Variants in CCND1 observed in about 807,000 individuals in gnomAD.
CCND1 encodes cyclin D1.
CCND1 carries 9 observed loss-of-function variants against 26.1 expected under a neutral mutation model. The observed-to-expected ratio is 0.35, with a 90% CI of 0.21 to 0.60. The LOEUF (loss-of-function observed/expected upper bound fraction) is 0.60. CCND1 is among the 20% of genes least tolerant of loss of function. The pLI is 0.79. For synonymous variants in CCND1, 194 were observed against 166.1 expected, an observed-to-expected ratio of 1.17 and a Z score of -1.29; for missense variants, 335 against 392.9, an observed-to-expected ratio of 0.85 and a Z score of 1.25.
At chr11:69,646,606 G>C (rs586459) in intron 3 of CCND1, among the ~76,000 whole-genome samples, 65,302 of 152,030 alleles carry the variant, frequency 0.43, 15,291 homozygotes, top group East Asian at 0.82. Flanking sequence ...CCCTGCCGAC[G>C]TCCGGCTCCC....
chr11:69,644,806 A>C (rs1282281395), intron 3 of CCND1, among the ~76,000 whole-genome samples: 1 of 152,028 alleles, frequency 6.6e-6, no homozygotes, highest in Non-Finnish European at 1.5e-5. Flanking sequence ...AGGCCTGGTT[A>C]CCTTCATGGG....
chr11:69,651,173 G>C lies in CCND1; in HGVS notation c.779G>C (p.Arg260Pro). Residue 260 changes from arginine to proline, a missense_variant, in exon 5 of 5, where the codon CGC becomes CCC. Coordinates refer to ENST00000227507, the MANE Select transcript of CCND1 (RefSeq NM_053056.3). ...GAAGCCCTGCTGGAGTCAAGCCTGC[G>C]CCAGGCCCAGCAGAACATGGACCCC... ...QIEALLESSL[R>P]QAQQNMDPKA... 6.2e-7 allele frequency: 1 copy of C among 1,611,886 alleles called. No individual in the cohort carries two copies. The highest frequency in any genetic ancestry group is 8.5e-7 in the Non-Finnish European group (1 of 1,178,898).
rs1489463103 is a variant in CCND1 at position 69,652,697 on chromosome 11, A to T, written c.*1415A>T. On this transcript the variant is annotated 3_prime_UTR_variant, in exon 5 of 5. Coordinates refer to ENST00000227507, the MANE Select transcript of CCND1 (RefSeq NM_053056.3). ...AAATATATAATTTATAGTTAAGGCT[A>T]AAAAGTATATTTATTGCAGAGGATG... 4.3e-6 allele frequency: 1 copy of T among 233,198 alleles called. No individual in the cohort carries two copies. The highest frequency in any genetic ancestry group is 8.5e-6 in the Non-Finnish European group (1 of 118,110). 14.4% of individuals were successfully genotyped at this position (233,198 alleles called of 1,614,324 possible).
chr11:69,643,745 C>G, intron 2 of CCND1, 87 bp from the exon 3 acceptor site: 2 of 1,311,006 alleles, frequency 1.5e-6, no homozygotes, highest in South Asian at 1.4e-5. Flanking sequence ...GGAGGTGCGG[C>G]GTGGCCCGGC....
At position 69,654,171 on chromosome 11, in the gene CCND1, G is replaced by T. The variant is rs1396899681; in HGVS notation, c.*2889G>T. 5.7e-6 allele frequency: 4 copies of T among 701,628 alleles called. No homozygotes were observed. The highest frequency in any genetic ancestry group is 1.7e-5 in the African/African-American group (1 of 57,194). 43.5% of individuals were successfully genotyped at this position (701,628 alleles called of 1,614,324 possible). ...GCTCACGCTTACCTCAACCATCCTG[G>T]CTGCGGCGTCTGTCTGAACCACGCG... On this transcript the variant is annotated 3_prime_UTR_variant, in exon 5 of 5. Coordinates refer to ENST00000227507, the MANE Select transcript of CCND1 (RefSeq NM_053056.3). The surrounding 1 kb of genome is among the most constrained non-coding windows in gnomAD (Gnocchi z 6.3).
intron 3 of CCND1, among the ~76,000 whole-genome samples, chr11:69,644,964 C>G (rs1465837409): frequency 6.6e-6 from 1 of 152,160 alleles, no homozygotes; most frequent in African/African-American, 2.4e-5. Flanking sequence ...CTCCCCTCCC[C>G]AGAGGGCAGA....
In CCND1 at chr11:69,652,732, C is replaced by T. The variant is rs1322179844; in HGVS notation, c.*1450C>T. ...TTTATTGCAGAGGATGTTCATAAGGCCAGTATGATTTATAAATGCAATCTC... is the reference window on the plus strand; with the variant it reads ...TTTATTGCAGAGGATGTTCATAAGGTCAGTATGATTTATAAATGCAATCTC... On this transcript the variant is annotated 3_prime_UTR_variant, in exon 5 of 5. Transcript: ENST00000227507. The T allele has an allele frequency of 8.6e-6, 2 of 233,020 alleles. No homozygotes were observed. The highest frequency in any genetic ancestry group is 1.7e-5 in the Non-Finnish European group (2 of 118,276). 14.4% of individuals were successfully genotyped at this position (233,020 alleles called of 1,614,324 possible).
chr11:69,650,843 G>A lies in CCND1; in HGVS notation c.724-275G>A, dbSNP rs554219717. The stretch of plus-strand genomic sequence containing the variant: ...CGCTGTTGGACATGGGGACGGGCAG[G>A]GGGTGTGCAGGGTGGGCGGGCAAGC... On this transcript the variant is annotated intron_variant, in intron 4 of 4. Coordinates refer to ENST00000227507, the MANE Select transcript of CCND1 (RefSeq NM_053056.3). 1.6e-4 allele frequency among the ~76,000 whole-genome samples: 25 copies of A among 152,312 alleles called. 1 individual carries two copies. The highest frequency in any genetic ancestry group is 1.2e-3 in the Admixed American group (18 of 15,300).
chr11:69,651,104 C>G lies in CCND1; in HGVS notation c.724-14C>G. On this transcript the variant is annotated splice_polypyrimidine_tract_variant and intron_variant, in intron 4 of 4. Transcript: ENST00000227507. ...ACCCCCTCTTCCCACCTCTCCCCAC[C>G]CTCTCTCTCTCAGGACTGCCTCCGG... 3 of 1,608,738 alleles carry G rather than the reference C, an allele frequency of 1.9e-6. No homozygotes were observed. The highest frequency in any genetic ancestry group is 2.5e-6 in the Non-Finnish European group (3 of 1,177,440).
chr11:69,654,122 C>CCCCCCCCCCCCCCCCCCAAAA lies in CCND1; in HGVS notation c.*2842_*2843insCCCCCCCCCCCCCCCAAAACC. On this transcript the variant is annotated 3_prime_UTR_variant, in exon 5 of 5. Coordinates refer to ENST00000227507, the MANE Select transcript of CCND1 (RefSeq NM_053056.3). The surrounding 1 kb of genome is among the most constrained non-coding windows in gnomAD (Gnocchi z 6.3). ...GAGGCCATCTCGGGCACAGGCCCAC[C>CCCCCCCCCCCCCCCCCCAAAA]CCGCCCCACCCCTCCAGAACACGGC... is the stretch of plus-strand genomic sequence containing the variant. 1 of 660,564 alleles carries CCCCCCCCCCCCCCCCCCAAAA rather than the reference C, an allele frequency of 1.5e-6. No individual in the cohort carries two copies. The highest frequency in any genetic ancestry group is 2.8e-6 in the Non-Finnish European group (1 of 362,132). The allele number at this position is 660,564 out of a possible 1,614,324, so 40.9% of individuals were successfully genotyped here.
At chr11:69,642,985 G>T (rs776353719) in intron 1 of CCND1, 46 bp from the exon 2 acceptor site, 75 of 1,417,310 alleles carry the variant, frequency 5.3e-5, no homozygotes, top group South Asian at 2.1e-4. Context: ...GTGCGGGGGG[G>T]CGGCGCGACC....
rs1443089370 is a variant in CCND1, at chr11:69,647,987, G to C, written c.575-7G>C. On this transcript the variant is annotated splice_polypyrimidine_tract_variant and splice_region_variant and intron_variant, in intron 3 of 4. Transcript: ENST00000227507. ...ACAGCCTCCTTCCCTCTCTCCTTCTGCCTCAGATGTGAAGTTCATTTCCAA... is the reference window on the plus strand; with the variant it reads ...ACAGCCTCCTTCCCTCTCTCCTTCTCCCTCAGATGTGAAGTTCATTTCCAA... The C allele has an allele frequency of 6.2e-7, 1 of 1,613,682 alleles. No homozygotes were observed. The highest frequency in any genetic ancestry group is 8.5e-7 in the Non-Finnish European group (1 of 1,179,972).
rs1199820281 is a variant in CCND1 at position 69,647,905 on chromosome 11, CAG to C, written c.575-86_575-85del. 6.7e-6 allele frequency: 10 copies of C among 1,502,908 alleles called. No individual in the cohort carries two copies. The Admixed American group carries it at 1.2e-4, about 19-fold the overall frequency. The allele number at this position is 1,502,908 out of a possible 1,614,324, so 93.1% of individuals were successfully genotyped here. On this transcript the variant is annotated intron_variant, in intron 3 of 4. Transcript: ENST00000227507. Reference sequence around the variant, plus strand: ...TTCCCTTCAGGCCGGGCCGCTTGCTCAGAGCCAGCACACAGGGATGCCCGGAT... The same window carrying C: ...TTCCCTTCAGGCCGGGCCGCTTGCTCAGCCAGCACACAGGGATGCCCGGAT...
chr11:69,654,130 A>G lies in CCND1; in HGVS notation c.*2848A>G, dbSNP rs776074405. ...CTCGGGCACAGGCCCACCCCGCCCCACCCCTCCAGAACACGGCTCACGCTT... is the reference window on the plus strand; with the variant it reads ...CTCGGGCACAGGCCCACCCCGCCCCGCCCCTCCAGAACACGGCTCACGCTT... On this transcript the variant is annotated 3_prime_UTR_variant, in exon 5 of 5. Transcript: ENST00000227507. The surrounding 1 kb of genome is among the most constrained non-coding windows in gnomAD (Gnocchi z 6.3). The G allele has an allele frequency of 1.7e-5, 8 of 471,428 alleles. No homozygotes were observed. In the East Asian group the frequency reaches 3.9e-4, roughly 23 times the overall value. The allele number at this position is 471,428 out of a possible 1,614,324, so 29.2% of individuals were successfully genotyped here.
In CCND1 at chr11:69,653,563, C is replaced by A. The variant is rs1474879841; in HGVS notation, c.*2281C>A. On this transcript the variant is annotated 3_prime_UTR_variant, in exon 5 of 5. Transcript: ENST00000227507. Reference sequence around the variant, plus strand: ...TTCTGCCTGCTTTGGCGGGCAGACACGCGGGCGCGATCCCACACAGGCTGG... The same window carrying A: ...TTCTGCCTGCTTTGGCGGGCAGACAAGCGGGCGCGATCCCACACAGGCTGG... 1.1e-5 allele frequency: 6 copies of A among 537,956 alleles called. No homozygotes were observed. Among genetic ancestry groups the A allele is most frequent in the Non-Finnish European group, 2.0e-5 (6 of 307,044 alleles). The allele number at this position is 537,956 out of a possible 1,614,324, so 33.3% of individuals were successfully genotyped here.
intron 3 of CCND1, among the ~76,000 whole-genome samples, chr11:69,644,637 T>C (rs1452010642): frequency 6.6e-6 from 1 of 152,172 alleles, no homozygotes; most frequent in Non-Finnish European, 1.5e-5. Context: ...AAGCACCCAG[T>C]CCTCACTTCC....
intron 4 of CCND1, among the ~76,000 whole-genome samples, chr11:69,650,465 C>T (rs1000747310): frequency 2.0e-5 from 3 of 152,208 alleles, no homozygotes; most frequent in Admixed American, 6.5e-5. Flanking sequence ...CTTCCAGGAG[C>T]GTCCGTCGCA....
Position 69,643,224 on chromosome 11 carries a change from C to G in CCND1, c.392C>G (p.Ser131Cys). The change falls in exon 2 of 5, where the codon TCC becomes TGC. Residue 131 changes from serine (S) to cysteine (C), a missense_variant. By Grantham distance (112) the Ser-to-Cys change is moderately radical. Coordinates refer to ENST00000227507, the MANE Select transcript of CCND1 (RefSeq NM_053056.3). ...AAGCTGTGCATCTACACCGACAACT[C>G]CATCCGGCCCGAGGAGCTGCTGGTA... ...AEKLCIYTDN[S>C]IRPEELLQME... 1 of 1,591,592 alleles carries G rather than the reference C, an allele frequency of 6.3e-7. No homozygotes were observed. Among genetic ancestry groups the G allele is most frequent in the Non-Finnish European group, 8.5e-7 (1 of 1,169,930 alleles).
chr11:69,650,718 A>G (rs1024760208), intron 4 of CCND1, among the ~76,000 whole-genome samples: 1 of 152,208 alleles, frequency 6.6e-6, no homozygotes, highest in Admixed American at 6.5e-5. Flanking sequence ...TTAAGTCTGA[A>G]AAGGCTGAAA....
Sources: allele counts gnomAD v4.1 joint callset (sites outside exome capture counted in the v4.1 genomes callset), GRCh38; gene constraint gnomAD v4.1.1; non-coding constraint Gnocchi (gnomAD v3.1); transcripts MANE v1.5; gene names NCBI Gene and HGNC (gene_info 2026-07-23, HGNC 2026-07-21).